Variants in SULF2 observed in about 807,000 individuals in gnomAD.
The protein encoded by SULF2 is sulfatase 2, also known as extracellular sulfatase Sulf-2.
A neutral mutation model predicts 107.7 loss-of-function variants in SULF2; 52 were observed. The observed-to-expected ratio is 0.48, with a 90% confidence interval of 0.39 to 0.61. The LOEUF is 0.61. Among genes scored for constraint, SULF2 ranks in the 20% least tolerant of loss-of-function variants. The pLI, the probability that SULF2 is intolerant of heterozygous loss-of-function variation, is 0.00. For missense variants in SULF2, 993 were observed against 1,177.3 expected (o/e 0.84, Z 2.29); for synonymous variants, 460 against 464.3 (o/e 0.99, Z 0.12).
intron 4 of SULF2, among the ~76,000 whole-genome samples, chr20:47,693,563 A>C (rs2088275289): frequency 6.6e-6 from 1 of 152,282 alleles, no homozygotes; most frequent in African/African-American, 2.4e-5. Context: ...ACACGGATCA[A>C]ACGTGGATAA....
intron 3 of SULF2, among the ~76,000 whole-genome samples, chr20:47,727,002 T>C (rs573279932): frequency 6.8e-6 from 1 of 147,730 alleles, no homozygotes; most frequent in Non-Finnish European, 1.5e-5. Context: ...GCTGGGGCAG[T>C]GAAGAGGGGA....
chr20:47,704,511 G>A (rs149587796), intron 3 of SULF2, among the ~76,000 whole-genome samples: 98 of 152,266 alleles, frequency 6.4e-4, no homozygotes, highest in African/African-American at 2.1e-3. Flanking sequence ...GAGCTCAAGC[G>A]ATCTGCCTGC....
At chr20:47,690,041 T>C in intron 5 of SULF2, 85 bp downstream of exon 5, 5 of 1,233,990 alleles carry the variant, frequency 4.1e-6, no homozygotes, top group Non-Finnish European at 5.2e-6. Flanking sequence ...AGTGAAGTCA[T>C]GGTGGTGACA....
At chr20:47,711,963 A>G (rs1011691632) in intron 3 of SULF2, among the ~76,000 whole-genome samples, 1 of 152,230 alleles carries the variant, frequency 6.6e-6, no homozygotes, top group Admixed American at 6.5e-5. Flanking sequence ...TCACATATAC[A>G]CAATGCATGA....
At chr20:47,709,343 G>A (rs1441338894) in intron 3 of SULF2, among the ~76,000 whole-genome samples, 1 of 152,210 alleles carries the variant, frequency 6.6e-6, no homozygotes, top group East Asian at 1.9e-4. Context: ...TTGACAATGA[G>A]CTGGCTGGCG....
chr20:47,683,933 G>A (rs2087911803), intron 6 of SULF2, among the ~76,000 whole-genome samples: 1 of 152,222 alleles, frequency 6.6e-6, no homozygotes, highest in Non-Finnish European at 1.5e-5. Flanking sequence ...TAGGAAGTGT[G>A]CAGAACACCA....
rs1467617098 is a variant in SULF2, at chr20:47,666,483, T to C, written c.1582A>G (p.Lys528Glu). 1.2e-6 allele frequency: 2 copies of C among 1,612,462 alleles called. No individual in the cohort carries two copies. The highest frequency in any genetic ancestry group is 1.7e-6 in the Non-Finnish European group (2 of 1,179,718). The change falls in exon 12 of 21, where the codon AAG (lysine) becomes GAG (glutamate). Residue 528 changes from lysine to glutamate, a missense_variant. This residue lies in a region of SULF2 where 497 missense variants were observed against 544.1 expected (regional missense o/e 0.91). Coordinates refer to ENST00000688720, the MANE Select transcript of SULF2 (RefSeq NM_001387048.1). This position sits in a 1 kb window ranked among gnomAD's most constrained non-coding sequence, Gnocchi z 5.4. Reference protein sequence around the residue: ...RRKKLFKKKYKASYVRSRSIR... With the variant: ...RRKKLFKKKYEASYVRSRSIR... ...GAGCGACTGCGGACATAGCTGGCCT[T>C]GTACTCTGTGGGCATTAGAGGAGTG... is the stretch of plus-strand genomic sequence containing the variant.
chr20:47,710,403 T>A (rs779537127), intron 3 of SULF2, among the ~76,000 whole-genome samples: 10 of 151,836 alleles, frequency 6.6e-5, no homozygotes, highest in African/African-American at 9.7e-5. Context: ...CCCATTGTGT[T>A]ACCACCGCCT....
At chr20:47,687,771 A>C (rs2088061633) in intron 5 of SULF2, among the ~76,000 whole-genome samples, 1 of 151,180 alleles carries the variant, frequency 6.6e-6, no homozygotes, top group South Asian at 2.1e-4. Context: ...GTAGTGGCGC[A>C]ATCATAGCTC....
At chr20:47,664,592 C>T (rs746329959) in intron 14 of SULF2, among the ~76,000 whole-genome samples, 28 of 152,252 alleles carry the variant, frequency 1.8e-4, no homozygotes, top group Admixed American at 5.9e-4. Flanking sequence ...CACACTTGGT[C>T]GGGGTCAACA....
intron 3 of SULF2, among the ~76,000 whole-genome samples, chr20:47,703,728 G>A (rs978548778): frequency 3.9e-5 from 6 of 152,210 alleles, no homozygotes; most frequent in African/African-American, 1.4e-4. Context: ...CAGCACATTT[G>A]TAATAGTAAA....
chr20:47,683,144 C>T lies in SULF2; in HGVS notation c.914G>A (p.Gly305Asp). 1 of 1,605,912 alleles carries T rather than the reference C, an allele frequency of 6.2e-7. No individual in the cohort carries two copies. The highest frequency in any genetic ancestry group is 1.1e-5 in the South Asian group (1 of 90,726). Residue 305 changes from glycine to aspartate, a missense_variant, in exon 7 of 21, where the codon GGC (glycine) becomes GAC (aspartate). Physicochemically the swap from Gly to Asp is moderately conservative, Grantham distance 94 (BLOSUM62 -1). This residue lies in a region of SULF2 where 388 missense variants were observed against 449.2 expected (regional missense o/e 0.86). Transcript: ENST00000688720. ...ETIYNMLVETGELDNTYIVYT... is the reference protein window; with the variant it reads ...ETIYNMLVETDELDNTYIVYT... The stretch of plus-strand genomic sequence containing the variant: ...TACGATGTACGTGTTGTCCAGCTCG[C>T]CCGTCTCAACCAGCATGTTGTAAAT...
chr20:47,661,694 TG>T, intron 18 of SULF2, 78 bp downstream of exon 18: 5 of 1,354,108 alleles, frequency 3.7e-6, no homozygotes, highest in Non-Finnish European at 4.8e-6. Context: ...GGCTCATTCT[TG>T]GGGTAGACAC....
intron 3 of SULF2, among the ~76,000 whole-genome samples, chr20:47,703,088 T>A (rs1416058005): frequency 6.6e-6 from 1 of 151,968 alleles, no homozygotes; most frequent in Non-Finnish European, 1.5e-5. Flanking sequence ...CATGCCTGGC[T>A]AATTTTTTGT....
chr20:47,659,801 A>C, intron 18 of SULF2, 71 bp from the exon 19 acceptor site: 1 of 1,193,164 alleles, frequency 8.4e-7, no homozygotes, highest in Non-Finnish European at 1.2e-6. Context: ...ACACACCAGA[A>C]AACCATCTTA....
At chr20:47,770,053 GTTTT>G (rs56786760) in intron 1 of SULF2, among the ~76,000 whole-genome samples, 3,126 of 63,088 alleles carry the variant, frequency 0.05, 45 homozygotes, top group Admixed American at 0.096. Flanking sequence ...ATCTGGTGTA[GTTTT>G]TTTTTTTTTT....
chr20:47,690,678 TG>T (rs1239913676), intron 4 of SULF2, among the ~76,000 whole-genome samples: 1 of 152,146 alleles, frequency 6.6e-6, no homozygotes, highest in Non-Finnish European at 1.5e-5. Context: ...GAGACCAGCC[TG>T]GCCAACACGG....
chr20:47,687,459 C>T (rs2093315539), intron 5 of SULF2, among the ~76,000 whole-genome samples: 1 of 152,240 alleles, frequency 6.6e-6, no homozygotes, highest in South Asian at 2.1e-4. Context: ...GGGGAAATGG[C>T]GGGAAGATGG....
In SULF2 at chr20:47,784,516, T is replaced by TTGCAGGCTTCCC. The variant is rs149373278; in HGVS notation, c.-101+815_-101+826dup. Among the ~76,000 whole-genome samples the TTGCAGGCTTCCC allele has an allele frequency of 9.4e-3, 1,423 of 151,736 alleles. 21 individuals are homozygous for TTGCAGGCTTCCC. The highest frequency in any genetic ancestry group is 0.032 in the African/African-American group (1,315 of 41,304). Reference sequence around the variant, plus strand: ...ACCGAGGCCAGTGTGCAAACTAGGATTGCAGGCTTCCCTTTCCATCTTCCA... The same window carrying TTGCAGGCTTCCC: ...ACCGAGGCCAGTGTGCAAACTAGGATTGCAGGCTTCCCTGCAGGCTTCCCTTTCCATCTTCCA... On this transcript the variant is annotated intron_variant, in intron 1 of 20. Coordinates refer to ENST00000688720, the MANE Select transcript of SULF2 (RefSeq NM_001387048.1).
Sources: gnomAD v4.1 joint callset for allele counts (sites outside exome capture counted in the v4.1 genomes callset) on GRCh38, gnomAD v4.1.1 for gene constraint, gnomAD v4.1.1 regional missense constraint, Gnocchi (gnomAD v3.1) non-coding constraint, MANE v1.5 for transcripts, NCBI Gene and HGNC (gene_info 2026-07-23, HGNC 2026-07-21) for gene names.